The following RSF1 variants were observed in gnomAD, a reference collection of about 807,000 sequenced individuals.
RSF1 encodes HBV pX-associated protein 8.
In RSF1, 13 loss-of-function variants were observed where a neutral mutation model predicts 145.2. The ratio of observed to expected loss-of-function variants is 0.09; its 90% CI spans 0.06 to 0.14. The LOEUF is 0.14. Ranked by LOEUF, RSF1 falls within the 10% of genes least tolerant of loss-of-function variation. The pLI is 1.00. For synonymous variants in RSF1, 577 were observed against 592.6 expected (o/e 0.97, Z 0.38); for missense variants, 1,517 against 1,718.2 (o/e 0.88, Z 2.07).
chr11:77,677,161 T>A (rs1369942929), intron 12 of RSF1, 162 bp from the exon 13 acceptor site: 1 of 620,480 alleles, frequency 1.6e-6, no homozygotes, highest in Non-Finnish European at 2.8e-6. Context: ...CTGACAGAGG[T>A]CTCAGAGTTT....
intron 1 of RSF1, among the ~76,000 whole-genome samples, chr11:77,778,638 C>G (rs1948372830): frequency 6.6e-6 from 1 of 152,172 alleles, no homozygotes; most frequent in African/African-American, 2.4e-5. Flanking sequence ...CACCACCACA[C>G]TCAGCTAATT....
intron 4 of RSF1, among the ~76,000 whole-genome samples, chr11:77,738,369 A>C (rs1457564967): frequency 6.6e-6 from 1 of 152,236 alleles, no homozygotes; most frequent in African/African-American, 2.4e-5. Flanking sequence ...AACTAAAGTT[A>C]ATACAATAAA....
chr11:77,682,436 T>A (rs538371738), intron 11 of RSF1, among the ~76,000 whole-genome samples: 1 of 152,310 alleles, frequency 6.6e-6, no homozygotes, highest in African/African-American at 2.4e-5. Context: ...AAATATAATT[T>A]ATTTATTATT....
At chr11:77,770,317 C>T (rs949817451) in intron 1 of RSF1, among the ~76,000 whole-genome samples, 1 of 152,106 alleles carries the variant, frequency 6.6e-6, no homozygotes, top group African/African-American at 2.4e-5. Flanking sequence ...AAAAAATTAG[C>T]CAGGTGTGGT....
At chr11:77,767,388 C>A (rs983425233) in intron 1 of RSF1, among the ~76,000 whole-genome samples, 1 of 152,092 alleles carries the variant, frequency 6.6e-6, no homozygotes, top group Non-Finnish European at 1.5e-5. Context: ...AAAAAGACTG[C>A]TTTCATATCA....
chr11:77,836,603 A>G, the RSF1 span, among the ~76,000 whole-genome samples: 3 of 152,176 alleles, frequency 2.0e-5, no homozygotes, highest in Non-Finnish European at 2.9e-5. Context: ...TAATAAAGAA[A>G]TCCTCAAAAC....
intron 4 of RSF1, among the ~76,000 whole-genome samples, chr11:77,735,211 C>A (rs908192823): frequency 1.3e-5 from 2 of 152,208 alleles, no homozygotes. Context: ...GAAACCCCGA[C>A]GACTCTCGGC....
intron 1 of RSF1, among the ~76,000 whole-genome samples, chr11:77,771,840 A>G (rs1948288783): frequency 2.0e-5 from 3 of 152,232 alleles, no homozygotes; most frequent in African/African-American, 7.2e-5. Context: ...AAATATGACT[A>G]TTTAGGAAGA....
intron 1 of RSF1, among the ~76,000 whole-genome samples, chr11:77,797,431 A>C (rs917504940): frequency 2.0e-5 from 3 of 152,238 alleles, no homozygotes; most frequent in African/African-American, 7.2e-5. Flanking sequence ...CTATTTAATA[A>C]ACGGTGTTGG....
chr11:77,751,226 T>C (rs1948059365), intron 2 of RSF1, among the ~76,000 whole-genome samples: 1 of 152,204 alleles, frequency 6.6e-6, no homozygotes, highest in Non-Finnish European at 1.5e-5. Context: ...AACTTATTTA[T>C]CTTGGATTTA....
At chr11:77,743,055 T>C (rs994212937) in intron 3 of RSF1, among the ~76,000 whole-genome samples, 9 of 152,182 alleles carry the variant, frequency 5.9e-5, no homozygotes, top group Non-Finnish European at 1.3e-4. Context: ...TGACCATCAA[T>C]ACATGAGTTT....
At chr11:77,764,528 A>T (rs1162274026) in intron 2 of RSF1, 70 bp downstream of exon 2, 1 of 906,898 alleles carries the variant, frequency 1.1e-6, no homozygotes, top group South Asian at 1.5e-5. Flanking sequence ...GTGTATTATA[A>T]AACATAATAT....
At position 77,665,903 on chromosome 11, in the gene RSF1, A is replaced by T. The variant is rs758191545; in HGVS notation, c.*1014T>A. The T allele has an allele frequency of 6.6e-6, 1 of 152,222 alleles. No homozygotes were observed. The highest frequency in any genetic ancestry group is 1.5e-5 in the Non-Finnish European group (1 of 68,040). 9.4% of individuals were successfully genotyped at this position (152,222 alleles called of 1,614,324 possible). On this transcript the variant is annotated 3_prime_UTR_variant, in exon 16 of 16. Transcript: ENST00000308488. Reference sequence around the variant, plus strand: ...GAATAGACCAGTTAAAATTCACCTGAAAATCTCTTCCCAGTCTTCAAATGT... The same window carrying T: ...GAATAGACCAGTTAAAATTCACCTGTAAATCTCTTCCCAGTCTTCAAATGT...
intron 1 of RSF1, among the ~76,000 whole-genome samples, chr11:77,784,473 T>G (rs962564674): frequency 6.6e-6 from 1 of 152,094 alleles, no homozygotes; most frequent in Non-Finnish European, 1.5e-5. Context: ...CTGAATCTGC[T>G]TCTTTGGGTT....
At chr11:77,777,437 T>C (rs544673193) in intron 1 of RSF1, among the ~76,000 whole-genome samples, 5 of 151,770 alleles carry the variant, frequency 3.3e-5, no homozygotes, top group Middle Eastern at 3.4e-3. Context: ...AATAAAAATA[T>C]AAGAAATTAG....
At chr11:77,738,540 G>A (rs569931231) in intron 4 of RSF1, 28 of 152,306 alleles carry the variant, frequency 1.8e-4, no homozygotes, top group Admixed American at 1.3e-3. Context: ...TGGAACCAGT[G>A]CCCCATGGAT....
upstream of RSF1, among the ~76,000 whole-genome samples, chr11:77,825,144 C>G (rs1409066008): frequency 6.6e-6 from 1 of 152,058 alleles, no homozygotes; most frequent in Non-Finnish European, 1.5e-5. Flanking sequence ...CCATGCCCGG[C>G]TAATTTTTTT....
chr11:77,698,798 A>T (rs1960344656), intron 6 of RSF1, 105 bp from the exon 7 acceptor site: 2 of 899,330 alleles, frequency 2.2e-6, no homozygotes, highest in African/African-American at 3.4e-5. Context: ...AATATACCAA[A>T]AAAAGAGGAG....
Position 77,672,215 on chromosome 11 carries a change from T to C in RSF1, c.3578A>G (p.Asp1193Gly). Reference protein sequence around the residue: ...NSRDSESDFSDDFSDDFVETR... With the variant: ...NSRDSESDFSGDFSDDFVETR... ...TTCTACAAAATCATCACTAAAATCA[T>C]CACTGAAGTCACTTTCTATTTTAAA... The change falls in exon 15 of 16, where the codon GAT (aspartate) becomes GGT (glycine). Residue 1193 changes from aspartate (D) to glycine (G), a missense_variant. Physicochemically the swap from Asp to Gly is moderately conservative, Grantham distance 94. Around this residue, in one of 12 missense-constraint regions of RSF1, gnomAD observed 231 missense variants for 276.6 expected, o/e 0.84. Coordinates refer to ENST00000308488, the MANE Select transcript of RSF1 (RefSeq NM_016578.4). 2 of 1,592,146 alleles carry C rather than the reference T, an allele frequency of 1.3e-6. No individual in the cohort carries two copies. Among genetic ancestry groups the C allele is most frequent in the Non-Finnish European group, 1.7e-6 (2 of 1,173,376 alleles).
Sources: allele counts gnomAD v4.1 joint callset (sites outside exome capture counted in the v4.1 genomes callset), GRCh38; gene constraint gnomAD v4.1.1; regional missense constraint gnomAD v4.1.1; transcripts MANE v1.5; gene names NCBI Gene and HGNC (gene_info 2026-07-23, HGNC 2026-07-21).